MACROH2A1: variants seen among roughly 807,000 people sequenced by gnomAD.
MACROH2A1 encodes the protein macroH2A.1 histone.
MACROH2A1 carries 2 observed loss-of-function variants against 31.6 expected under a neutral mutation model. The ratio of observed to expected loss-of-function variants is 0.06; its 90% CI spans 0.03 to 0.20. The LOEUF (loss-of-function observed/expected upper bound fraction) is 0.20. MACROH2A1 is among the 10% of genes least tolerant of loss of function. The probability of loss-of-function intolerance (pLI) is 1.00; values close to 1 mark genes in which losing one functional copy is unlikely to be tolerated. For synonymous variants in MACROH2A1, 169 were observed against 189.6 expected (o/e 0.89, Z 0.89); for missense variants, 230 against 474.0 (o/e 0.49, Z 4.78).
At chr5:135,368,063 T>C (rs1763738382) in intron 4 of MACROH2A1, among the ~76,000 whole-genome samples, 1 of 152,198 alleles carries the variant, frequency 6.6e-6, no homozygotes, top group African/African-American at 2.4e-5. Context: ...CTCCTCAATA[T>C]TGGGTTTCTC....
chr5:135,387,985 C>T (rs1167856853), intron 2 of MACROH2A1, among the ~76,000 whole-genome samples: 16 of 145,200 alleles, frequency 1.1e-4, no homozygotes, highest in South Asian at 6.5e-4. Context: ...ACCATTAAAG[C>T]GAGTAATGAA....
At position 135,369,410 on chromosome 5, in the gene MACROH2A1, G is replaced by T; in HGVS notation, c.473C>A (p.Ser158Tyr). The change falls in exon 4 of 9, where the codon TCC (serine) becomes TAC (tyrosine). Residue 158 changes from serine to tyrosine, a missense_variant. Physicochemically the swap from Ser to Tyr is moderately radical, Grantham distance 144 (BLOSUM62 -2). This residue lies in a region of MACROH2A1 where 183 missense variants were observed against 319.3 expected (regional missense o/e 0.57). Transcript: ENST00000511689. This position sits in a 1 kb window ranked among gnomAD's most constrained non-coding sequence, Gnocchi z 4.3. ...CATTCTGGCCAAATCACATACCTTG[G>T]ATTTCCGGGCCCCTTTCTTGCCTCC... ...KAGGKKGARK[S>Y]KKKQGEVSKA... 1 of 1,613,654 alleles carries T rather than the reference G, an allele frequency of 6.2e-7. No individual in the cohort carries two copies.
Position 135,353,039 on chromosome 5 carries a change from G to A in MACROH2A1, c.595C>T (p.Leu199Phe). 1 of 1,597,172 alleles carries A rather than the reference G, an allele frequency of 6.3e-7. No homozygotes were observed. The highest frequency in any genetic ancestry group is 8.6e-7 in the Non-Finnish European group (1 of 1,164,608). Residue 199 changes from leucine to phenylalanine, a missense_variant, in exon 6 of 9, where the codon CTT becomes TTT. Around this residue, in one of 2 missense-constraint regions of MACROH2A1, gnomAD observed 183 missense variants for 319.3 expected, o/e 0.57. Coordinates refer to ENST00000511689, the MANE Select transcript of MACROH2A1 (RefSeq NM_138610.3). ...KSLFLGQKLNLIHSEISNLAG... is the reference protein window; with the variant it reads ...KSLFLGQKLNFIHSEISNLAG... ...AAATTACTGATTTCACTGTGAATAA[G>A]GTTCAGCTGCAAAGAAAAGCATGAG...
At chr5:135,341,307 C>T (rs1452869733) in intron 8 of MACROH2A1, among the ~76,000 whole-genome samples, 2 of 152,134 alleles carry the variant, frequency 1.3e-5, no homozygotes, top group Non-Finnish European at 2.9e-5. Context: ...ACTCACAGAA[C>T]CCCAGGACCA....
At chr5:135,379,822 C>G (rs1765414154) in intron 2 of MACROH2A1, among the ~76,000 whole-genome samples, 1 of 152,170 alleles carries the variant, frequency 6.6e-6, no homozygotes, top group Non-Finnish European at 1.5e-5. Flanking sequence ...GGTCCCACTC[C>G]TGGGACACTG....
chr5:135,350,204 T>C (rs1761346801), intron 6 of MACROH2A1, among the ~76,000 whole-genome samples: 1 of 152,128 alleles, frequency 6.6e-6, no homozygotes, highest in Non-Finnish European at 1.5e-5. Flanking sequence ...GGAAGGTGCT[T>C]TCTGGGTCTA....
Position 135,360,238 on chromosome 5 carries a change from C to G in MACROH2A1, c.588+259G>C, listed in dbSNP as rs1581218168. 15 of 515,040 alleles carry G rather than the reference C, an allele frequency of 2.9e-5. No homozygotes were observed. The East Asian group carries it at 5.2e-4, about 18-fold the overall frequency. The allele number at this position is 515,040 out of a possible 1,614,324, so 31.9% of individuals were successfully genotyped here. A position where few individuals can be genotyped will look rare whatever the true frequency, so the allele number is the denominator to read the frequency against. On this transcript the variant is annotated intron_variant, in intron 5 of 8. Transcript: ENST00000511689. The stretch of plus-strand genomic sequence containing the variant: ...TCCTCCTCCAGACTAACCAAGGGTC[C>G]CCATCTCCCACAGGAGCTGCCTGCC...
At chr5:135,358,384 C>A in intron 5 of MACROH2A1, 1 of 985,350 alleles carries the variant, frequency 1.0e-6, no homozygotes. Context: ...GTGTCTGCAG[C>A]ACTAGATTTT....
intron 8 of MACROH2A1, among the ~76,000 whole-genome samples, chr5:135,336,218 T>C (rs1485826024): frequency 6.6e-6 from 1 of 152,228 alleles, no homozygotes; most frequent in Non-Finnish European, 1.5e-5. Flanking sequence ...TACTGCTAGC[T>C]TCACTCACTG....
chr5:135,367,551 T>G (rs931017424), intron 4 of MACROH2A1, among the ~76,000 whole-genome samples: 1 of 152,162 alleles, frequency 6.6e-6, no homozygotes, highest in Non-Finnish European at 1.5e-5. Context: ...CAGAAAGTCA[T>G]AGAACAAAAA....
At chr5:135,382,141 C>T (rs1765735912) in intron 2 of MACROH2A1, among the ~76,000 whole-genome samples, 1 of 152,160 alleles carries the variant, frequency 6.6e-6, no homozygotes, top group Non-Finnish European at 1.5e-5. Flanking sequence ...GTGCTGTGTG[C>T]TTGTCTGTTG....
At chr5:135,377,378 T>C (rs10515471) in intron 2 of MACROH2A1, among the ~76,000 whole-genome samples, 4,785 of 152,342 alleles carry the variant, frequency 0.031, 265 homozygotes, top group African/African-American at 0.11. Context: ...TTGTTCTTAA[T>C]TCATCTCAGG....
intron 4 of MACROH2A1, among the ~76,000 whole-genome samples, chr5:135,366,677 ACT>A (rs1324169271): frequency 2.0e-5 from 3 of 152,128 alleles, no homozygotes; most frequent in Non-Finnish European, 4.4e-5. Flanking sequence ...ATAAAAACTC[ACT>A]GAGTGTGCCC....
At chr5:135,384,779 A>G (rs541400985) in intron 2 of MACROH2A1, among the ~76,000 whole-genome samples, 19 of 152,368 alleles carry the variant, frequency 1.2e-4, no homozygotes, top group African/African-American at 2.2e-4. Context: ...CATCAGCCTC[A>G]TAAGAACCTG....
At chr5:135,372,818 G>A (rs1434479189) in intron 2 of MACROH2A1, among the ~76,000 whole-genome samples, 1 of 152,234 alleles carries the variant, frequency 6.6e-6, no homozygotes, top group Non-Finnish European at 1.5e-5. Flanking sequence ...AGGCCTGAGA[G>A]GCATATCAAG....
At chr5:135,373,677 T>C (rs906345199) in intron 2 of MACROH2A1, among the ~76,000 whole-genome samples, 21 of 152,284 alleles carry the variant, frequency 1.4e-4, no homozygotes, top group African/African-American at 4.8e-4. Flanking sequence ...GGGATGTCAT[T>C]CTGTTGCCTT....
intron 2 of MACROH2A1, among the ~76,000 whole-genome samples, chr5:135,383,228 C>A (rs1765891259): frequency 6.6e-6 from 1 of 152,214 alleles, no homozygotes; most frequent in Non-Finnish European, 1.5e-5. Flanking sequence ...AGCTTGGTAA[C>A]TTAGATTATG....
chr5:135,365,976 G>C (rs903527070), intron 4 of MACROH2A1, among the ~76,000 whole-genome samples: 1 of 152,226 alleles, frequency 6.6e-6, no homozygotes, highest in Non-Finnish European at 1.5e-5. Flanking sequence ...GAGACCAGGT[G>C]GAGGTAACTG....
chr5:135,391,734 G>A (rs573746280), intron 1 of MACROH2A1, among the ~76,000 whole-genome samples: 8 of 152,140 alleles, frequency 5.3e-5, no homozygotes, highest in Non-Finnish European at 1.2e-4. Context: ...AGTGAACCTG[G>A]CCCAGACTTC....
Sources: gnomAD v4.1 joint callset for allele counts (sites outside exome capture counted in the v4.1 genomes callset) on GRCh38, gnomAD v4.1.1 for gene constraint, gnomAD v4.1.1 regional missense constraint, Gnocchi (gnomAD v3.1) non-coding constraint, MANE v1.5 for transcripts, NCBI Gene and HGNC (gene_info 2026-07-23, HGNC 2026-07-21) for gene names.